SCAPER: variants seen among roughly 807,000 people sequenced by gnomAD.
The protein encoded by SCAPER is S-phase cyclin A associated protein in the ER.
Under a neutral mutation model 182.2 loss-of-function variants are expected in SCAPER, and 98 were observed. That is an observed-to-expected ratio of 0.54 (90% CI 0.46 to 0.64). SCAPER has a LOEUF of 0.64. Among genes scored for constraint, SCAPER ranks in the 30% least tolerant of loss-of-function variants. The pLI is 0.00. For missense variants in SCAPER, 1,432 were observed against 1,690.0 expected, an observed-to-expected ratio of 0.85 and a Z score of 2.68; for synonymous variants, 605 against 564.6, an observed-to-expected ratio of 1.07 and a Z score of -1.01.
intron 23 of SCAPER, among the ~76,000 whole-genome samples, chr15:76,509,154 G>T (rs989785434): frequency 2.6e-5 from 4 of 152,082 alleles, no homozygotes; most frequent in Non-Finnish European, 5.9e-5. Context: ...AAAAATAAAT[G>T]AAACATCTCT....
At chr15:76,801,670 A>T (rs2065804417) in intron 6 of SCAPER, among the ~76,000 whole-genome samples, 1 of 151,862 alleles carries the variant, frequency 6.6e-6, no homozygotes, top group East Asian at 1.9e-4. Flanking sequence ...CTGTAATCCC[A>T]GCACTTTGGG....
At chr15:76,698,888 T>G (rs761399994) in intron 20 of SCAPER, among the ~76,000 whole-genome samples, 1 of 152,258 alleles carries the variant, frequency 6.6e-6, no homozygotes, top group Non-Finnish European at 1.5e-5. Context: ...ACTCTTCCTA[T>G]CCATGAGCAT....
chr15:76,782,997 C>G (rs1301720118), intron 8 of SCAPER, among the ~76,000 whole-genome samples: 1 of 152,102 alleles, frequency 6.6e-6, no homozygotes, highest in Non-Finnish European at 1.5e-5. Flanking sequence ...CAAACACATT[C>G]AAAAGCTAGC....
chr15:76,409,517 G>A (rs1370652220), intron 26 of SCAPER, among the ~76,000 whole-genome samples: 5 of 151,698 alleles, frequency 3.3e-5, no homozygotes, highest in Non-Finnish European at 7.4e-5. Context: ...GTGTGTGTGT[G>A]TATACGATGT....
At chr15:76,376,812 A>G (rs77582696) in intron 28 of SCAPER, among the ~76,000 whole-genome samples, 15,572 of 152,228 alleles carry the variant, frequency 0.1, 928 homozygotes, top group African/African-American at 0.17. Context: ...TCAAATAAGT[A>G]GCTCTATAAA....
intron 22 of SCAPER, among the ~76,000 whole-genome samples, chr15:76,617,465 C>T (rs1948728725): frequency 1.3e-5 from 2 of 152,322 alleles, no homozygotes; most frequent in East Asian, 1.9e-4. Flanking sequence ...TATCTATTTG[C>T]TCCCTGCAGT....
chr15:76,732,212 C>T (rs926382449), intron 16 of SCAPER, among the ~76,000 whole-genome samples: 23 of 151,982 alleles, frequency 1.5e-4, no homozygotes, highest in Non-Finnish European at 2.9e-4. Flanking sequence ...TATGTGTGGG[C>T]GGCAAGCCAC....
chr15:76,585,556 T>C (rs1052049006), intron 22 of SCAPER, among the ~76,000 whole-genome samples: 2 of 152,176 alleles, frequency 1.3e-5, no homozygotes, highest in African/African-American at 4.8e-5. Context: ...AGCACTATTC[T>C]TAACAAGAAT....
chr15:76,776,156 A>T (rs2063733121), intron 8 of SCAPER, among the ~76,000 whole-genome samples: 1 of 152,150 alleles, frequency 6.6e-6, no homozygotes, highest in Non-Finnish European at 1.5e-5. Flanking sequence ...ACTGCCTCCT[A>T]TGTATTCCAG....
At chr15:76,650,985 T>A (rs2054985849) in intron 21 of SCAPER, among the ~76,000 whole-genome samples, 1 of 152,060 alleles carries the variant, frequency 6.6e-6, no homozygotes, top group African/African-American at 2.4e-5. Flanking sequence ...TAATACAACA[T>A]ATTAAAATAT....
At chr15:76,537,145 A>C (rs1422168111) in intron 23 of SCAPER, among the ~76,000 whole-genome samples, 1 of 151,664 alleles carries the variant, frequency 6.6e-6, no homozygotes, top group Non-Finnish European at 1.5e-5. Context: ...ATACTGCCCA[A>C]GGTAATTTAT....
chr15:76,745,410 C>T (rs1278169353), intron 15 of SCAPER, among the ~76,000 whole-genome samples: 2 of 152,146 alleles, frequency 1.3e-5, no homozygotes, highest in African/African-American at 4.8e-5. Context: ...GATTGCACCA[C>T]TGCACTCCAG....
At chr15:76,706,223 T>A (rs976259257) in intron 17 of SCAPER, among the ~76,000 whole-genome samples, 1 of 152,158 alleles carries the variant, frequency 6.6e-6, no homozygotes, top group Non-Finnish European at 1.5e-5. Flanking sequence ...AAATATTAGC[T>A]CAAAGACTGT....
chr15:76,845,109 A>G (rs1046803979), intron 4 of SCAPER, among the ~76,000 whole-genome samples: 6 of 152,188 alleles, frequency 3.9e-5, no homozygotes, highest in African/African-American at 1.4e-4. Flanking sequence ...ATATAACAAA[A>G]TGAATAAAAA....
chr15:76,843,874 A>T (rs1441925723), intron 4 of SCAPER, among the ~76,000 whole-genome samples: 5 of 152,208 alleles, frequency 3.3e-5, no homozygotes, highest in Non-Finnish European at 7.3e-5. Flanking sequence ...ACTGACAAAA[A>T]GAATAGCAGT....
rs73455170 is a variant in SCAPER at position 76,585,142 on chromosome 15, C to G, written c.2712-10858G>C. On this transcript the variant is annotated intron_variant, in intron 22 of 31. Coordinates refer to ENST00000563290, the MANE Select transcript of SCAPER (RefSeq NM_020843.4). ...GGGAGGTTATTTAACTTCTCTGAAT[C>G]TCAGTTTCTTCATCTTAAAAGTCAG... 4.4e-3 allele frequency among the ~76,000 whole-genome samples: 675 copies of G among 152,220 alleles called. 7 individuals are homozygous for G. Among genetic ancestry groups the G allele is most frequent in the African/African-American group, 0.015 (643 of 41,530 alleles).
rs781747592 is a variant in SCAPER at position 76,354,135 on chromosome 15, G to T, written c.3861C>A (p.Ile1287=). The stretch of plus-strand genomic sequence containing the variant: ...CTGTGGGGTGGCGGCCGGACTGCAC[G>T]ATCACCTGAAATGGAAGAGCAGCCC... The part of the protein sequence containing the change: ...FTVNHPDNQV[I]VQSGRHPTVL... The change falls in exon 30 of 32, where the codon ATC becomes ATA. Residue 1287 remains isoleucine (I), a synonymous_variant. Coordinates refer to ENST00000563290, the MANE Select transcript of SCAPER (RefSeq NM_020843.4). The surrounding 1 kb of genome is among the most constrained non-coding windows in gnomAD (Gnocchi z 4.4). 2 of 1,601,504 alleles carry T rather than the reference G, an allele frequency of 1.2e-6. No individual in the cohort carries two copies. Among genetic ancestry groups the T allele is most frequent in the South Asian group, 1.1e-5 (1 of 88,700 alleles).
intron 7 of SCAPER, among the ~76,000 whole-genome samples, chr15:76,798,236 T>C (rs1351251402): frequency 6.6e-6 from 1 of 151,906 alleles, no homozygotes; most frequent in Non-Finnish European, 1.5e-5. Context: ...GGCATGCGCC[T>C]ATAATTCCAG....
At chr15:76,441,733 C>T (rs1290659804) in intron 25 of SCAPER, among the ~76,000 whole-genome samples, 1 of 152,144 alleles carries the variant, frequency 6.6e-6, no homozygotes, top group African/African-American at 2.4e-5. Flanking sequence ...ATATTTCTCT[C>T]CCCAAACCTA....
Sources: allele counts gnomAD v4.1 joint callset (sites outside exome capture counted in the v4.1 genomes callset), GRCh38; gene constraint gnomAD v4.1.1; non-coding constraint Gnocchi (gnomAD v3.1); transcripts MANE v1.5; gene names NCBI Gene and HGNC (gene_info 2026-07-23, HGNC 2026-07-21).